Variants in SLC25A13 observed in about 807,000 individuals in gnomAD.
SLC25A13 encodes electrogenic aspartate/glutamate antiporter SLC25A13, mitochondrial.
SLC25A13 carries 70 observed loss-of-function variants against 85.5 expected under a neutral mutation model. The observed-to-expected ratio is 0.82, with a 90% CI of 0.68 to 1.00. The LOEUF (loss-of-function observed/expected upper bound fraction) is 1.00, where lower values mean the gene tolerates loss of function less well. SLC25A13 is among the 50% of genes least tolerant of loss of function. The probability of loss-of-function intolerance (pLI) is 0.00; values close to 1 mark genes in which losing one functional copy is unlikely to be tolerated. For missense variants in SLC25A13, 765 were observed against 819.8 expected (o/e 0.93, Z 0.82); for synonymous variants, 259 against 288.7 (o/e 0.90, Z 1.04).
chr7:96,305,195 C>A (rs926311803), intron 1 of SLC25A13, among the ~76,000 whole-genome samples: 1 of 152,172 alleles, frequency 6.6e-6, no homozygotes, highest in Non-Finnish European at 1.5e-5. Context: ...GTAGATCACA[C>A]AGCCAGAAAT....
chr7:96,205,341 G>A (rs116063971), intron 5 of SLC25A13, among the ~76,000 whole-genome samples: 145 of 152,300 alleles, frequency 9.5e-4, no homozygotes, highest in African/African-American at 3.4e-3. Flanking sequence ...CTTTGCTCTA[G>A]GAGCTGGGAG....
At chr7:96,146,436 T>C (rs1042590109) in intron 14 of SLC25A13, 120 bp downstream of exon 14, 54 of 1,331,482 alleles carry the variant, frequency 4.1e-5, no homozygotes, top group Non-Finnish European at 5.2e-5. Context: ...GCAGCTTGGG[T>C]AGAACATCTT....
chr7:96,291,982 A>G (rs1200756289), intron 2 of SLC25A13, among the ~76,000 whole-genome samples: 2 of 152,216 alleles, frequency 1.3e-5, no homozygotes, highest in African/African-American at 2.4e-5. Flanking sequence ...ACAAAAAAAG[A>G]GCATTTTAGA....
intron 12 of SLC25A13, among the ~76,000 whole-genome samples, chr7:96,171,183 A>G (rs1196695467): frequency 7.9e-5 from 12 of 152,226 alleles, no homozygotes; most frequent in Non-Finnish European, 1.5e-5. Context: ...AAAACGTAAT[A>G]TACGTCATGT....
chr7:96,128,939 G>GCTCGCTCGCTCTCTCTCTCTCTCTCTCT, intron 15 of SLC25A13, among the ~76,000 whole-genome samples: 1 of 81,900 alleles, frequency 1.2e-5, no homozygotes, highest in African/African-American at 4.3e-5. Flanking sequence ...TGCCTTGCTT[G>GCTCGCTCGCTCTCTCTCTCTCTCTCTCT]CTCTCTCTCT....
At chr7:96,128,943 T>G (rs79033915) in intron 15 of SLC25A13, among the ~76,000 whole-genome samples, 217 of 120,502 alleles carry the variant, frequency 1.8e-3, no homozygotes, top group African/African-American at 8.2e-3. Flanking sequence ...TTGCTTGCTC[T>G]CTCTCTCTCT....
chr7:96,241,090 G>GAAAGAA (rs1333106536), intron 3 of SLC25A13, among the ~76,000 whole-genome samples: 2 of 143,268 alleles, frequency 1.4e-5, no homozygotes, highest in African/African-American at 5.3e-5. Flanking sequence ...AAGAAAGAAA[G>GAAAGAA]AAAGAAAGAA....
intron 4 of SLC25A13, among the ~76,000 whole-genome samples, chr7:96,217,958 T>A (rs549723953): frequency 2.7e-4 from 40 of 149,378 alleles, no homozygotes; most frequent in African/African-American, 9.7e-4. Context: ...TACTAATGAG[T>A]AACCCTGGGC....
At chr7:96,162,739 T>G (rs565787351) in intron 13 of SLC25A13, among the ~76,000 whole-genome samples, 1 of 152,228 alleles carries the variant, frequency 6.6e-6, no homozygotes, top group African/African-American at 2.4e-5. Context: ...AGTTATGGAT[T>G]AGAATAGTCA....
At chr7:96,238,348 C>T (rs972004053) in intron 3 of SLC25A13, among the ~76,000 whole-genome samples, 3 of 152,004 alleles carry the variant, frequency 2.0e-5, no homozygotes, top group Non-Finnish European at 4.4e-5. Context: ...CCCTGCTGAA[C>T]CTCCACCTTG....
Position 96,184,783 on chromosome 7 carries a change from T to C in SLC25A13, c.1018+144A>G, listed in dbSNP as rs538200949. ...ATGGGAAAAGAGTTCCCTTTACTCT[T>C]GCCCTACCTCACAGGTAGAAACTGA... On this transcript the variant is annotated intron_variant, in intron 10 of 17. Coordinates refer to ENST00000265631, the MANE Select transcript of SLC25A13 (RefSeq NM_014251.3). The C allele has an allele frequency of 3.2e-5, 24 of 757,018 alleles. No homozygotes were observed. In the East Asian group the frequency reaches 5.8e-4, roughly 18 times the overall value. The allele number at this position is 757,018 out of a possible 1,614,324, so 46.9% of individuals were successfully genotyped here. A position where few individuals can be genotyped will look rare whatever the true frequency, so the allele number is the denominator to read the frequency against.
At chr7:96,265,541 T>C (rs1409908824) in intron 3 of SLC25A13, among the ~76,000 whole-genome samples, 1 of 152,232 alleles carries the variant, frequency 6.6e-6, no homozygotes, top group Non-Finnish European at 1.5e-5. Context: ...TAAAGAGTTC[T>C]TTATGCATAC....
intron 1 of SLC25A13, among the ~76,000 whole-genome samples, chr7:96,298,862 C>T (rs1799449729): frequency 6.6e-6 from 1 of 152,078 alleles, no homozygotes; most frequent in South Asian, 2.1e-4. Flanking sequence ...TCAGAGAGGA[C>T]TCCCTCCTCT....
At chr7:96,258,479 A>C (rs767926229) in intron 3 of SLC25A13, among the ~76,000 whole-genome samples, 8 of 152,210 alleles carry the variant, frequency 5.3e-5, no homozygotes, top group African/African-American at 1.9e-4. Context: ...TACAAAAAGA[A>C]TAAAATACCT....
chr7:96,267,176 T>C (rs1350374225), intron 3 of SLC25A13, among the ~76,000 whole-genome samples: 1 of 152,184 alleles, frequency 6.6e-6, no homozygotes, highest in African/African-American at 2.4e-5. Flanking sequence ...CTAATATTCT[T>C]TAAGTATTGC....
intron 14 of SLC25A13, among the ~76,000 whole-genome samples, chr7:96,132,199 A>T (rs1218917502): frequency 1.3e-5 from 2 of 152,214 alleles, no homozygotes; most frequent in African/African-American, 4.8e-5. Context: ...ACTGGTGGCA[A>T]GCCACTGGCA....
chr7:96,238,419 T>C lies in SLC25A13; in HGVS notation c.213-3502A>G, dbSNP rs147762098. Among the ~76,000 whole-genome samples, 13 of 151,982 alleles carry C rather than the reference T, an allele frequency of 8.6e-5. No individual in the cohort carries two copies. The East Asian group carries it at 2.5e-3, about 29-fold the overall frequency. On this transcript the variant is annotated intron_variant, in intron 3 of 17. Transcript: ENST00000265631. ...GTTTTTTTTTTTAAAGCTTCCCAGT[T>C]TGCGGTAGAGTACTTTGTTACAGCA...
At chr7:96,221,266 T>C (rs1274612163) in intron 4 of SLC25A13, among the ~76,000 whole-genome samples, 1 of 152,204 alleles carries the variant, frequency 6.6e-6, no homozygotes, top group East Asian at 1.9e-4. Context: ...CTTATCAACA[T>C]AGAGACTATT....
intron 14 of SLC25A13, among the ~76,000 whole-genome samples, chr7:96,142,154 C>A (rs1300221544): frequency 1.3e-5 from 2 of 152,216 alleles, no homozygotes; most frequent in Non-Finnish European, 2.9e-5. Flanking sequence ...TCAGGGGGTA[C>A]ACATACAGGT....
Sources: gnomAD v4.1 joint callset for allele counts (sites outside exome capture counted in the v4.1 genomes callset) on GRCh38, gnomAD v4.1.1 for gene constraint, MANE v1.5 for transcripts, NCBI Gene and HGNC (gene_info 2026-07-23, HGNC 2026-07-21) for gene names.